BABAM2: variants seen among roughly 807,000 people sequenced by gnomAD.
The protein encoded by BABAM2 is BRISC and BRCA1-A complex member 2.
A neutral mutation model predicts 54.7 loss-of-function variants in BABAM2; 31 were observed. The ratio of observed to expected loss-of-function variants is 0.57; its 90% CI spans 0.43 to 0.77. The LOEUF is 0.77. BABAM2 is among the 30% of genes least tolerant of loss of function. BABAM2 has a pLI of 0.00. For missense variants in BABAM2, 364 were observed against 455.8 expected, an observed-to-expected ratio of 0.80 and a Z score of 1.83; for synonymous variants, 167 against 162.9, an observed-to-expected ratio of 1.03 and a Z score of -0.19.
chr2:28,072,076 A>G (rs1278555221), intron 6 of BABAM2, among the ~76,000 whole-genome samples: 1 of 152,196 alleles, frequency 6.6e-6, no homozygotes, highest in Non-Finnish European at 1.5e-5. Context: ...GCTGGAGTGC[A>G]GTGGCACTAT....
Position 28,338,656 on chromosome 2 carries a change from C to A in BABAM2, c.*143C>A. 5.4e-6 allele frequency: 5 copies of A among 930,586 alleles called. No individual in the cohort carries two copies. Among genetic ancestry groups the A allele is most frequent in the Non-Finnish European group, 8.3e-6 (5 of 602,340 alleles). 57.6% of individuals were successfully genotyped at this position (930,586 alleles called of 1,614,324 possible). On this transcript the variant is annotated 3_prime_UTR_variant, in exon 12 of 12. Transcript: ENST00000379624. ...GCAGCTTTTGCACGCCCCAGGCAGC[C>A]CCGACTGCTGAAATCCAACTTGAGC...
intron 7 of BABAM2, among the ~76,000 whole-genome samples, chr2:28,190,899 G>T (rs946503725): frequency 6.6e-6 from 1 of 152,146 alleles, no homozygotes; most frequent in African/African-American, 2.4e-5. Context: ...TTTGGGCTTA[G>T]CAAAAATTTC....
At chr2:28,054,709 T>C (rs2148627847) in intron 6 of BABAM2, among the ~76,000 whole-genome samples, 1 of 152,326 alleles carries the variant, frequency 6.6e-6, no homozygotes, top group South Asian at 2.1e-4. Context: ...CATTCTAGCT[T>C]CCAGTACTGT....
intron 11 of BABAM2, among the ~76,000 whole-genome samples, chr2:28,317,349 G>A (rs1297911229): frequency 6.6e-6 from 1 of 152,046 alleles, no homozygotes; most frequent in Non-Finnish European, 1.5e-5. Flanking sequence ...GTAGGTTCAA[G>A]CAGAATAGCA....
At chr2:28,149,528 A>G (rs1215761034) in intron 7 of BABAM2, among the ~76,000 whole-genome samples, 1 of 152,212 alleles carries the variant, frequency 6.6e-6, no homozygotes, top group Non-Finnish European at 1.5e-5. Flanking sequence ...CAGAGTTAAA[A>G]TGAATACTCA....
chr2:28,028,836 G>C (rs1453529289), intron 5 of BABAM2, among the ~76,000 whole-genome samples: 3 of 151,688 alleles, frequency 2.0e-5, no homozygotes, highest in Non-Finnish European at 4.4e-5. Flanking sequence ...GCGTACTCTC[G>C]GCTCACTGCA....
At chr2:28,100,510 C>T (rs1467836888) in intron 6 of BABAM2, among the ~76,000 whole-genome samples, 1 of 151,090 alleles carries the variant, frequency 6.6e-6, no homozygotes, top group African/African-American at 2.4e-5. Context: ...TAAAAGTCAC[C>T]TAGTTGAAAA....
intron 7 of BABAM2, among the ~76,000 whole-genome samples, chr2:28,147,805 CAT>C (rs949059900): frequency 2.0e-5 from 3 of 152,172 alleles, no homozygotes; most frequent in Non-Finnish European, 4.4e-5. Context: ...TAATAGGACA[CAT>C]GTCTCAACGT....
intron 6 of BABAM2, among the ~76,000 whole-genome samples, chr2:28,065,706 A>G (rs1663465610): frequency 6.6e-6 from 1 of 152,252 alleles, no homozygotes; most frequent in Non-Finnish European, 1.5e-5. Flanking sequence ...GAAAGTTTTA[A>G]GGAATTATAT....
At position 28,322,477 on chromosome 2, in the gene BABAM2, C is replaced by T. The variant is rs1373327280; in HGVS notation, c.1089-15973C>T. 6.6e-6 allele frequency among the ~76,000 whole-genome samples: 1 copy of T among 152,360 alleles called. No homozygotes were observed. Among genetic ancestry groups the T allele is most frequent in the African/African-American group, 2.4e-5 (1 of 41,584 alleles). The stretch of plus-strand genomic sequence containing the variant: ...AACTCTTAGAGGCGCCTTTGAGCAA[C>T]GCGCTCTCAAGGTGTTCCAGCAGGG... On this transcript the variant is annotated intron_variant, in intron 11 of 11. Coordinates refer to ENST00000379624, the MANE Select transcript of BABAM2 (RefSeq NM_199191.3). This position sits in a 1 kb window ranked among gnomAD's most constrained non-coding sequence, Gnocchi z 4.1.
chr2:28,029,881 A>T (rs1021711184), intron 5 of BABAM2, among the ~76,000 whole-genome samples: 5 of 152,190 alleles, frequency 3.3e-5, no homozygotes, highest in African/African-American at 1.2e-4. Context: ...TATGGCTCAT[A>T]AGGAAAACTT....
At chr2:28,211,125 A>G (rs186249871) in intron 7 of BABAM2, among the ~76,000 whole-genome samples, 1 of 152,316 alleles carries the variant, frequency 6.6e-6, no homozygotes, top group Admixed American at 6.5e-5. Context: ...CAGAGGGGAC[A>G]CAGAATTTCA....
chr2:28,059,911 G>A (rs868620536), intron 6 of BABAM2, among the ~76,000 whole-genome samples: 1 of 151,984 alleles, frequency 6.6e-6, no homozygotes, highest in Non-Finnish European at 1.5e-5. Flanking sequence ...TGACCTCCCT[G>A]GTAAATTCCA....
At chr2:28,338,071 C>T (rs1005874868) in intron 11 of BABAM2, among the ~76,000 whole-genome samples, 2 of 152,186 alleles carry the variant, frequency 1.3e-5, no homozygotes, top group African/African-American at 4.8e-5. Context: ...AAAATGCAAC[C>T]TTCCTGATAC....
intron 7 of BABAM2, among the ~76,000 whole-genome samples, chr2:28,183,798 C>T (rs1230704765): frequency 4.1e-5 from 6 of 148,080 alleles, no homozygotes; most frequent in South Asian, 2.1e-4. Flanking sequence ...TTTGTGAGAG[C>T]GGAGGGCAGA....
At chr2:28,332,107 A>C (rs1457967936) in intron 11 of BABAM2, among the ~76,000 whole-genome samples, 1 of 152,212 alleles carries the variant, frequency 6.6e-6, no homozygotes, top group Non-Finnish European at 1.5e-5. Context: ...TGGGAGCTGA[A>C]CAATGAGAAC....
At chr2:28,249,359 G>A (rs1026864047) in intron 10 of BABAM2, among the ~76,000 whole-genome samples, 1 of 152,072 alleles carries the variant, frequency 6.6e-6, no homozygotes, top group Non-Finnish European at 1.5e-5. Context: ...AAAGTGCTGG[G>A]ATTATAGGTG....
rs531486078 is a variant in BABAM2 at position 28,046,161 on chromosome 2, G to A, written c.570+362G>A. On this transcript the variant is annotated intron_variant, in intron 6 of 11. Transcript: ENST00000379624. ...AAACACCCTAGCCACTGCCTTCGAGGTTCTGGCCCTTGGCCGGGCGCGGTG... is the reference window on the plus strand; with the variant it reads ...AAACACCCTAGCCACTGCCTTCGAGATTCTGGCCCTTGGCCGGGCGCGGTG... Among the ~76,000 whole-genome samples the A allele has an allele frequency of 3.9e-5, 6 of 152,176 alleles. No homozygotes were observed. In the South Asian group the frequency reaches 1.2e-3, roughly 32 times the overall value.
At chr2:28,139,352 GA>G (rs1169089944) in intron 7 of BABAM2, among the ~76,000 whole-genome samples, 2 of 125,238 alleles carry the variant, frequency 1.6e-5, no homozygotes, top group African/African-American at 6.4e-5. Flanking sequence ...AAAAGAAAAA[GA>G]AAAAAAAGAG....
Sources: gnomAD v4.1 joint callset for allele counts (sites outside exome capture counted in the v4.1 genomes callset) on GRCh38, gnomAD v4.1.1 for gene constraint, Gnocchi (gnomAD v3.1) non-coding constraint, MANE v1.5 for transcripts, NCBI Gene and HGNC (gene_info 2026-07-23, HGNC 2026-07-21) for gene names.